Variants in INSYN2B observed in about 807,000 individuals in gnomAD.
The protein encoded by INSYN2B is inhibitory synaptic factor family member 2B, also known as protein INSYN2B.
INSYN2B carries 16 observed loss-of-function variants against 41.2 expected under a neutral mutation model. The observed-to-expected ratio is 0.39, with a 90% CI of 0.26 to 0.59. INSYN2B has a LOEUF of 0.59. INSYN2B is among the 20% of genes least tolerant of loss of function. INSYN2B has a pLI of 0.57. For missense variants in INSYN2B, 608 were observed against 646.4 expected, an observed-to-expected ratio of 0.94 and a Z score of 0.64; for synonymous variants, 245 against 244.4, an observed-to-expected ratio of 1.00 and a Z score of -0.02.
At chr5:169,922,259 T>C (rs1453767562) in intron 1 of INSYN2B, among the ~76,000 whole-genome samples, 1 of 152,228 alleles carries the variant, frequency 6.6e-6, no homozygotes, top group Non-Finnish European at 1.5e-5. Flanking sequence ...ATGAATTATC[T>C]CATCTTATGG....
intron 3 of INSYN2B, among the ~76,000 whole-genome samples, chr5:169,871,699 G>C (rs1026014503): frequency 3.3e-5 from 5 of 152,320 alleles, no homozygotes; most frequent in Admixed American, 6.5e-5. Context: ...AAAATATGTA[G>C]GGTGGTGGGG....
intron 1 of INSYN2B, among the ~76,000 whole-genome samples, chr5:169,888,211 G>A (rs746319930): frequency 1.3e-5 from 2 of 152,114 alleles, no homozygotes; most frequent in Non-Finnish European, 1.5e-5. Flanking sequence ...CAGACACATC[G>A]TGGGGAATAC....
chr5:169,928,681 C>T (rs375259418), intron 1 of INSYN2B, among the ~76,000 whole-genome samples: 2 of 152,072 alleles, frequency 1.3e-5, no homozygotes, highest in East Asian at 1.9e-4. Context: ...ACTGTTGAAG[C>T]GTAAAGCATT....
At chr5:169,978,627 T>A (rs970736897) in intron 1 of INSYN2B, among the ~76,000 whole-genome samples, 81 of 152,246 alleles carry the variant, frequency 5.3e-4, no homozygotes, top group African/African-American at 1.8e-3. Flanking sequence ...TTCTTCTCTC[T>A]CACCATCACA....
intron 1 of INSYN2B, among the ~76,000 whole-genome samples, chr5:169,906,186 C>T (rs927724020): frequency 2.6e-5 from 4 of 152,090 alleles, no homozygotes; most frequent in East Asian, 1.9e-4. Context: ...GCATTGTGCC[C>T]GGGGCCGTGG....
intron 1 of INSYN2B, among the ~76,000 whole-genome samples, chr5:169,924,443 C>T (rs989256358): frequency 6.6e-6 from 1 of 152,190 alleles, no homozygotes; most frequent in Non-Finnish European, 1.5e-5. Context: ...AATCACATTT[C>T]CCTGTTGTGT....
At chr5:169,972,575 A>AGAT (rs1424635750) in intron 1 of INSYN2B, among the ~76,000 whole-genome samples, 58 of 57,588 alleles carry the variant, frequency 1.0e-3, no homozygotes, top group African/African-American at 1.9e-3. Context: ...ATAGATAGAT[A>AGAT]GATAGATAGA....
chr5:169,975,708 A>G (rs1777692716), intron 1 of INSYN2B, among the ~76,000 whole-genome samples: 1 of 152,194 alleles, frequency 6.6e-6, no homozygotes, highest in African/African-American at 2.4e-5. Flanking sequence ...ATTGCTTTGT[A>G]ATATTTCATT....
chr5:169,955,929 T>C (rs1326698741), intron 1 of INSYN2B, among the ~76,000 whole-genome samples: 1 of 152,104 alleles, frequency 6.6e-6, no homozygotes, highest in African/African-American at 2.4e-5. Flanking sequence ...CAAGTGTGCT[T>C]TGGGCAACTA....
intron 1 of INSYN2B, among the ~76,000 whole-genome samples, chr5:169,938,850 A>C (rs1776105515): frequency 1.3e-5 from 2 of 152,096 alleles, no homozygotes; most frequent in Non-Finnish European, 2.9e-5. Flanking sequence ...AACTGTGCAA[A>C]AATATTTTCT....
chr5:169,892,243 C>T (rs1773340547), intron 1 of INSYN2B, among the ~76,000 whole-genome samples: 1 of 152,120 alleles, frequency 6.6e-6, no homozygotes, highest in Admixed American at 6.5e-5. Context: ...ATGAAGACAA[C>T]CCCCCTCATT....
chr5:169,870,454 G>C (rs569928226), intron 3 of INSYN2B, among the ~76,000 whole-genome samples: 2 of 152,256 alleles, frequency 1.3e-5, no homozygotes, highest in East Asian at 3.9e-4. Context: ...TCTTGGCTGG[G>C]TAAACTGAAG....
At chr5:169,882,515 A>C in intron 2 of INSYN2B, 38 bp downstream of exon 2, 1 of 1,491,612 alleles carries the variant, frequency 6.7e-7, no homozygotes, top group South Asian at 1.3e-5. Context: ...AAATGACTTC[A>C]CCCAGTCATT....
intron 1 of INSYN2B, among the ~76,000 whole-genome samples, chr5:169,901,852 G>T (rs1035059956): frequency 2.0e-5 from 3 of 152,206 alleles, no homozygotes; most frequent in African/African-American, 7.2e-5. Context: ...ATGTTTGCTT[G>T]CATCTGTTGG....
intron 1 of INSYN2B, among the ~76,000 whole-genome samples, chr5:169,903,661 G>A (rs1774093047): frequency 6.6e-6 from 1 of 152,158 alleles, no homozygotes; most frequent in Non-Finnish European, 1.5e-5. Flanking sequence ...GGAACTGATA[G>A]AAGTTCAGAC....
intron 3 of INSYN2B, among the ~76,000 whole-genome samples, chr5:169,869,303 C>T (rs1025392570): frequency 2.0e-5 from 3 of 152,140 alleles, no homozygotes; most frequent in African/African-American, 7.2e-5. Flanking sequence ...AGGGAGCTCC[C>T]CACTCCCCTC....
In INSYN2B at chr5:169,862,898, A is replaced by C. The variant is rs373464421; in HGVS notation, c.*1375T>G. Among the ~76,000 whole-genome samples the C allele has an allele frequency of 7.2e-5, 11 of 152,318 alleles. No homozygotes were observed. The East Asian group carries it at 2.1e-3, about 29-fold the overall frequency. On this transcript the variant is annotated 3_prime_UTR_variant, in exon 4 of 4. Coordinates refer to ENST00000377365, the MANE Select transcript of INSYN2B (RefSeq NM_001129891.3). ...TAGCTTAGACACTGGATCTTCAGCCAAGGGAATTACAAAATACCTTCTTCG... is the reference window on the plus strand; with the variant it reads ...TAGCTTAGACACTGGATCTTCAGCCCAGGGAATTACAAAATACCTTCTTCG...
At chr5:169,978,139 G>T (rs1030445159) in intron 1 of INSYN2B, among the ~76,000 whole-genome samples, 1 of 151,994 alleles carries the variant, frequency 6.6e-6, no homozygotes, top group Non-Finnish European at 1.5e-5. Flanking sequence ...ATAGCAACGT[G>T]TCACCAGCTG....
chr5:169,894,385 A>G (rs1773471215), intron 1 of INSYN2B, among the ~76,000 whole-genome samples: 1 of 151,952 alleles, frequency 6.6e-6, no homozygotes, highest in African/African-American at 2.4e-5. Context: ...ACTTGGAAGT[A>G]CCCCCTTCTC....
Sources: gnomAD v4.1 joint callset for allele counts (sites outside exome capture counted in the v4.1 genomes callset) on GRCh38, gnomAD v4.1.1 for gene constraint, MANE v1.5 for transcripts, NCBI Gene and HGNC (gene_info 2026-07-23, HGNC 2026-07-21) for gene names.